The following CDH13 variants were observed in gnomAD, a reference collection of about 807,000 sequenced individuals.
The protein encoded by CDH13 is cadherin 13.
Under a neutral mutation model 63.8 loss-of-function variants are expected in CDH13, and 24 were observed. The ratio of observed to expected loss-of-function variants is 0.38; its 90% CI spans 0.27 to 0.53. The LOEUF is 0.53. Among genes scored for constraint, CDH13 ranks in the 20% least tolerant of loss-of-function variants. The pLI is 0.85. For synonymous variants in CDH13, 503 were observed against 355.3 expected (o/e 1.42, Z -4.67); for missense variants, 1,049 against 903.1 (o/e 1.16, Z -2.07).
At chr16:83,129,991 T>C (rs1254470600) in intron 4 of CDH13, among the ~76,000 whole-genome samples, 4 of 152,230 alleles carry the variant, frequency 2.6e-5, no homozygotes, top group Admixed American at 1.3e-4. Context: ...AAGTAGTTCC[T>C]GCATCCCAGG....
chr16:83,316,071 C>G (rs968683035), intron 5 of CDH13, among the ~76,000 whole-genome samples: 2 of 152,098 alleles, frequency 1.3e-5, no homozygotes, highest in African/African-American at 4.8e-5. Flanking sequence ...GGAAACACGT[C>G]CTTCACATGG....
chr16:82,823,576 T>G (rs1309818510), intron 1 of CDH13: 2 of 152,204 alleles, frequency 1.3e-5, no homozygotes, highest in Non-Finnish European at 2.9e-5. Context: ...AAAACGCAGT[T>G]ATTTGACTCT....
intron 5 of CDH13, among the ~76,000 whole-genome samples, chr16:83,223,061 A>G (rs2039743678): frequency 1.1e-5 from 1 of 91,886 alleles, no homozygotes; most frequent in South Asian, 4.6e-4. Flanking sequence ...GTTGTCCTAT[A>G]AGGGGCAAAA....
chr16:83,691,624 A>G (rs1461754502), intron 10 of CDH13, among the ~76,000 whole-genome samples: 2 of 152,132 alleles, frequency 1.3e-5, no homozygotes, highest in African/African-American at 4.8e-5. Flanking sequence ...AGACCAGCAC[A>G]GTTCCGTACA....
chr16:82,703,760 C>G (rs541784381), intron 1 of CDH13, among the ~76,000 whole-genome samples: 25 of 152,250 alleles, frequency 1.6e-4, no homozygotes, highest in African/African-American at 6.0e-4. Flanking sequence ...TGGCTGCCCC[C>G]TCTGCTAATG....
intron 1 of CDH13, among the ~76,000 whole-genome samples, chr16:82,791,409 T>C (rs2036298538): frequency 6.6e-6 from 1 of 152,146 alleles, no homozygotes; most frequent in Admixed American, 6.5e-5. Context: ...TCAAATCATA[T>C]ATCGCCTGAG....
chr16:82,771,985 G>A (rs1470373474), intron 1 of CDH13, among the ~76,000 whole-genome samples: 1 of 152,186 alleles, frequency 6.6e-6, no homozygotes, highest in Non-Finnish European at 1.5e-5. Flanking sequence ...GGCAGGCAGG[G>A]GCACAAGTTG....
chr16:83,087,697 A>AAAAAAAAAAAAAAAAC (rs1567817140), intron 3 of CDH13, among the ~76,000 whole-genome samples: 42 of 144,390 alleles, frequency 2.9e-4, no homozygotes, highest in African/African-American at 9.1e-4. Flanking sequence ...AAAAAAAAAA[A>AAAAAAAAAAAAAAAAC]GCCTAGCACC....
chr16:82,809,189 A>C (rs1412416015), intron 1 of CDH13, among the ~76,000 whole-genome samples: 2 of 152,102 alleles, frequency 1.3e-5, no homozygotes, highest in African/African-American at 2.4e-5. Context: ...CTGTTTCCTC[A>C]TACTGTCACC....
In CDH13 at chr16:83,696,612, G is replaced by A. The variant is rs76907961; in HGVS notation, c.1538+18151G>A. The stretch of plus-strand genomic sequence containing the variant: ...AGTTATAAAGATGCAACATTTTACA[G>A]CTCAACAAGTAAACATTTCCCAAAT... On this transcript the variant is annotated intron_variant, in intron 10 of 13. Coordinates refer to ENST00000567109, the MANE Select transcript of CDH13 (RefSeq NM_001257.5). Among the ~76,000 whole-genome samples, 770 of 152,284 alleles carry A rather than the reference G, an allele frequency of 5.1e-3. 3 individuals carry two copies. The highest frequency in any genetic ancestry group is 0.01 in the Middle Eastern group (3 of 294).
chr16:83,311,748 C>T (rs1277795429), intron 5 of CDH13, among the ~76,000 whole-genome samples: 1 of 152,152 alleles, frequency 6.6e-6, no homozygotes, highest in East Asian at 1.9e-4. Context: ...AATTTTATTC[C>T]AGCTTGGACA....
chr16:83,647,062 G>A (rs982494029), intron 8 of CDH13, among the ~76,000 whole-genome samples: 23 of 152,058 alleles, frequency 1.5e-4, no homozygotes, highest in African/African-American at 5.6e-4. Flanking sequence ...TGTAATCCCA[G>A]CACTTTGGGA....
intron 6 of CDH13, among the ~76,000 whole-genome samples, chr16:83,454,710 A>G (rs922331465): frequency 3.4e-4 from 22 of 65,118 alleles, no homozygotes; most frequent in Non-Finnish European, 6.4e-4. Context: ...AATATGTTCT[A>G]TTGATTTTTT....
At chr16:82,864,139 T>A (rs916884170) in intron 2 of CDH13, among the ~76,000 whole-genome samples, 1 of 152,218 alleles carries the variant, frequency 6.6e-6, no homozygotes, top group Non-Finnish European at 1.5e-5. Context: ...ATCTAAGGGA[T>A]TAGGTTGATG....
chr16:82,684,843 G>C (rs1436705782), intron 1 of CDH13, among the ~76,000 whole-genome samples: 2 of 152,202 alleles, frequency 1.3e-5, no homozygotes, highest in African/African-American at 4.8e-5. Context: ...TAAGGCCACA[G>C]CCTCCTTCTG....
intron 2 of CDH13, among the ~76,000 whole-genome samples, chr16:82,869,831 A>G (rs954306237): frequency 6.6e-6 from 1 of 152,208 alleles, no homozygotes. Flanking sequence ...AAAGCAAATC[A>G]AAATGAATTA....
intron 6 of CDH13, among the ~76,000 whole-genome samples, chr16:83,450,409 G>A (rs940907806): frequency 6.6e-6 from 1 of 152,346 alleles, no homozygotes; most frequent in South Asian, 2.1e-4. Flanking sequence ...GGGTGGTGTT[G>A]TGGGGGACAA....
intron 7 of CDH13, among the ~76,000 whole-genome samples, chr16:83,491,374 G>A (rs946512963): frequency 2.0e-5 from 3 of 152,034 alleles, no homozygotes; most frequent in Non-Finnish European, 4.4e-5. Flanking sequence ...CCCCATTTCT[G>A]GCATCTCTGT....
At chr16:83,024,228 T>C (rs1915600504) in intron 2 of CDH13, among the ~76,000 whole-genome samples, 1 of 152,200 alleles carries the variant, frequency 6.6e-6, no homozygotes, top group African/African-American at 2.4e-5. Context: ...ACTTTTTTAG[T>C]GGATACAAGG....
Sources: allele counts gnomAD v4.1 joint callset (sites outside exome capture counted in the v4.1 genomes callset), GRCh38; gene constraint gnomAD v4.1.1; transcripts MANE v1.5; gene names NCBI Gene and HGNC (gene_info 2026-07-23, HGNC 2026-07-21).